The following WNT8A variants were observed in gnomAD, a reference collection of about 807,000 sequenced individuals.
The protein encoded by WNT8A is Wnt family member 8A, also known as protein Wnt-8a.
Under a neutral mutation model 20.5 loss-of-function variants are expected in WNT8A, and 14 were observed. The observed-to-expected ratio is 0.68, with a 90% CI of 0.45 to 1.07. The LOEUF is 1.07. WNT8A is among the 50% of genes least tolerant of loss of function. The pLI, the probability that WNT8A is intolerant of heterozygous loss-of-function variation, is 0.00. For missense variants in WNT8A, 397 were observed against 462.9 expected (o/e 0.86, Z 1.31); for synonymous variants, 167 against 169.2 (o/e 0.99, Z 0.10).
chr5:138,078,067 CT>C, the WNT8A span, among the ~76,000 whole-genome samples: 1 of 152,024 alleles, frequency 6.6e-6, no homozygotes, highest in African/African-American at 2.4e-5. Flanking sequence ...AAGTATTCCA[CT>C]TTTTTTCCCA....
At chr5:138,087,990 G>A in intron 3 of WNT8A, 59 bp downstream of exon 3, 3 of 1,598,658 alleles carry the variant, frequency 1.9e-6, no homozygotes, top group Non-Finnish European at 2.6e-6. Context: ...GCTGAGTGCA[G>A]ACTAAAGTCT....
chr5:138,089,010 G>T lies in WNT8A; in HGVS notation c.505G>T (p.Glu169Ter), dbSNP rs1481149249. ...CTCCAAACTCTTTGTGGACAGTTTG[G>T]AGAAGGGGAAGGATGCCAGAGCCCT... Reference protein sequence around the residue: ...RISKLFVDSLEKGKDARALMN... With the variant: ...RISKLFVDSL The change falls in exon 4 of 5, where the codon GAG (glutamate) becomes TAG (stop). Residue 169 changes from glutamate (E) to a stop codon, truncating the protein, a stop_gained. Transcript: ENST00000506684. LOFTEE classifies it high-confidence loss of function. 1.2e-5 allele frequency: 20 copies of T among 1,613,824 alleles called. No homozygotes were observed. The highest frequency in any genetic ancestry group is 2.7e-5 in the African/African-American group (2 of 74,910).
Position 138,084,065 on chromosome 5 carries a change from C to A in WNT8A, c.-63C>A, listed in dbSNP as rs1416673118. ...CTCTGGACTTGGCCCTGAGCTGGAC[C>A]TGGTCCACTGGGGTAGGCAGGGCGA... On this transcript the variant is annotated 5_prime_UTR_variant, in exon 1 of 5. In the 5' UTR this introduces an upstream ATG that the reference lacks. Coordinates refer to ENST00000506684, the MANE Select transcript of WNT8A (RefSeq NM_001300939.2). 1 of 1,606,252 alleles carries A rather than the reference C, an allele frequency of 6.2e-7. No homozygotes were observed. Among genetic ancestry groups the A allele is most frequent in the African/African-American group, 1.3e-5 (1 of 74,778 alleles).
At chr5:138,087,988 C>T (rs1750727513) in intron 3 of WNT8A, 57 bp downstream of exon 3, 3 of 1,600,762 alleles carry the variant, frequency 1.9e-6, no homozygotes, top group African/African-American at 1.3e-5. Context: ...GAGCTGAGTG[C>T]AGACTAAAGT....
chr5:138,087,211 G>T (rs1199298679), intron 2 of WNT8A, among the ~76,000 whole-genome samples: 1 of 151,160 alleles, frequency 6.6e-6, no homozygotes, highest in Non-Finnish European at 1.5e-5. Flanking sequence ...ACAAAAATTA[G>T]CTGGGGGTGG....
At chr5:138,088,359 C>CT (rs36126596) in intron 3 of WNT8A, among the ~76,000 whole-genome samples, 43,377 of 140,598 alleles carry the variant, frequency 0.31, 6,762 homozygotes, top group South Asian at 0.38. Flanking sequence ...TGCAGTGAAC[C>CT]TTTTTTTTTT....
At chr5:138,083,102 G>A (rs555089495), upstream of WNT8A, among the ~76,000 whole-genome samples, 2 of 151,860 alleles carry the variant, frequency 1.3e-5, no homozygotes, top group South Asian at 2.1e-4. Flanking sequence ...GCCAACTGGC[G>A]AAACCCCTTC....
rs1561576849 is a variant in WNT8A at position 138,088,990 on chromosome 5, A to G, written c.485A>G (p.Lys162Arg). Reference sequence around the variant, plus strand: ...GTGGAATTTGGGGAAAGGATCTCCAAACTCTTTGTGGACAGTTTGGAGAAG... The same window carrying G: ...GTGGAATTTGGGGAAAGGATCTCCAGACTCTTTGTGGACAGTTTGGAGAAG... ...DNVEFGERIS[K>R]LFVDSLEKGK... Residue 162 changes from lysine to arginine, a missense_variant, in exon 4 of 5, where the codon AAA (lysine) becomes AGA (arginine). Physicochemically the swap from Lys to Arg is conservative, Grantham distance 26. Coordinates refer to ENST00000506684, the MANE Select transcript of WNT8A (RefSeq NM_001300939.2). 2 of 1,613,966 alleles carry G rather than the reference A, an allele frequency of 1.2e-6. No homozygotes were observed. Among genetic ancestry groups the G allele is most frequent in the Non-Finnish European group, 1.7e-6 (2 of 1,180,008 alleles).
upstream of WNT8A, among the ~76,000 whole-genome samples, chr5:138,080,704 G>A (rs564966381): frequency 6.6e-5 from 10 of 151,892 alleles, no homozygotes; most frequent in African/African-American, 2.2e-4. Flanking sequence ...GAGCTCAGGC[G>A]ATCCTCCCCA....
At chr5:138,083,154 A>T (rs1018422893), upstream of WNT8A, among the ~76,000 whole-genome samples, 2 of 151,784 alleles carry the variant, frequency 1.3e-5, no homozygotes, top group African/African-American at 4.8e-5. Flanking sequence ...GGTGGCTGGC[A>T]CCTGTAGTCT....
the WNT8A span, among the ~76,000 whole-genome samples, chr5:138,078,979 G>A: frequency 1.3e-5 from 2 of 152,006 alleles, no homozygotes; most frequent in South Asian, 2.1e-4. Flanking sequence ...CTTATTCATC[G>A]TATCTATTTA....
intron 3 of WNT8A, among the ~76,000 whole-genome samples, 188 bp from the exon 4 acceptor site, chr5:138,088,739 G>A (rs1231831331): frequency 2.0e-5 from 3 of 152,194 alleles, no homozygotes; most frequent in Non-Finnish European, 4.4e-5. Flanking sequence ...ATTGCTTATG[G>A]CTGGGAAGTG....
Position 138,089,036 on chromosome 5 carries a change from G to A in WNT8A, c.531G>A (p.Leu177=), listed in dbSNP as rs767542841. 35 of 1,613,724 alleles carry A rather than the reference G, an allele frequency of 2.2e-5. No homozygotes were observed. In the South Asian group the frequency reaches 2.6e-4, roughly 12 times the overall value. The stretch of plus-strand genomic sequence containing the variant: ...AGAAGGGGAAGGATGCCAGAGCCCT[G>A]ATGAATCTTCACAACAACAGGGCCG... ...SLEKGKDARA[L]MNLHNNRAGR... The change falls in exon 4 of 5, where the codon CTG becomes CTA. Residue 177 remains leucine, a synonymous_variant. Coordinates refer to ENST00000506684, the MANE Select transcript of WNT8A (RefSeq NM_001300939.2).
intron 1 of WNT8A, 52 bp downstream of exon 1, chr5:138,084,335 T>A: frequency 6.2e-7 from 1 of 1,600,844 alleles, no homozygotes; most frequent in Non-Finnish European, 8.5e-7. Context: ...CTAAGGGGAC[T>A]CTTCTGGAGA....
intron 3 of WNT8A, among the ~76,000 whole-genome samples, chr5:138,088,441 C>G (rs1487156150): frequency 6.6e-6 from 1 of 150,774 alleles, no homozygotes; most frequent in East Asian, 2.0e-4. Context: ...ACTGCAAACT[C>G]CACCTCCCAG....
intron 2 of WNT8A, 126 bp from the exon 3 acceptor site, chr5:138,087,679 GA>G: frequency 3.6e-6 from 1 of 274,050 alleles, no homozygotes; most frequent in Non-Finnish European, 6.3e-6. Context: ...AAAAAAGAAA[GA>G]AAAGCATCCT....
At chr5:138,092,156 C>T (rs1410935502), downstream of WNT8A, 1 of 152,192 alleles carries the variant, frequency 6.6e-6, no homozygotes, top group Non-Finnish European at 1.5e-5. Context: ...ACTTCTATTA[C>T]TCCCTTTGGA....
At chr5:138,091,559 G>A, downstream of WNT8A, 1 of 1,237,440 alleles carries the variant, frequency 8.1e-7, no homozygotes, top group African/African-American at 1.6e-5. Flanking sequence ...CCACATATCT[G>A]CCTACTGGAA....
intron 2 of WNT8A, among the ~76,000 whole-genome samples, chr5:138,085,367 A>G (rs955316204): frequency 6.6e-6 from 1 of 152,240 alleles, no homozygotes; most frequent in Non-Finnish European, 1.5e-5. Context: ...TCACATGGCT[A>G]ACTGCCATAA....
Sources: allele counts gnomAD v4.1 joint callset (sites outside exome capture counted in the v4.1 genomes callset), GRCh38; gene constraint gnomAD v4.1.1; transcripts MANE v1.5; gene names NCBI Gene and HGNC (gene_info 2026-07-23, HGNC 2026-07-21).